Variants in GMPR observed in about 807,000 individuals in gnomAD.
The protein encoded by GMPR is guanosine monophosphate reductase, also known as GMP reductase 1.
Under a neutral mutation model 38.4 loss-of-function variants are expected in GMPR, and 31 were observed. The ratio of observed to expected loss-of-function variants is 0.81; its 90% CI spans 0.61 to 1.09. GMPR has a LOEUF of 1.09. GMPR is among the 50% of genes least tolerant of loss of function. The probability of loss-of-function intolerance (pLI) is 0.00; values close to 1 mark genes in which losing one functional copy is unlikely to be tolerated. For missense variants in GMPR, 468 were observed against 453.7 expected, an observed-to-expected ratio of 1.03 and a Z score of -0.29; for synonymous variants, 162 against 173.3, an observed-to-expected ratio of 0.93 and a Z score of 0.51.
At chr6:16,293,798 C>CAAA (rs934779392) in intron 8 of GMPR, among the ~76,000 whole-genome samples, 1 of 152,008 alleles carries the variant, frequency 6.6e-6, no homozygotes, top group Non-Finnish European at 1.5e-5. Flanking sequence ...AACTCCATCT[C>CAAA]AAAAAAAGAT....
Position 16,252,352 on chromosome 6 carries a change from C to G in GMPR, c.291+1985C>G, listed in dbSNP as rs192519168. 7.6e-3 allele frequency among the ~76,000 whole-genome samples: 1,164 copies of G among 152,214 alleles called. 16 individuals carry two copies. The highest frequency in any genetic ancestry group is 0.026 in the African/African-American group (1,089 of 41,534). ...TCTGCTCACTGCAGCCTCCACCTCCCGGGTTCAATTGATTTTCCTGCCTCA... is the reference window on the plus strand; with the variant it reads ...TCTGCTCACTGCAGCCTCCACCTCCGGGGTTCAATTGATTTTCCTGCCTCA... On this transcript the variant is annotated intron_variant, in intron 3 of 8. Transcript: ENST00000259727.
chr6:16,261,444 A>G lies in GMPR; in HGVS notation c.465+6709A>G, dbSNP rs559667373. Among the ~76,000 whole-genome samples the G allele has an allele frequency of 3.3e-5, 5 of 152,094 alleles. No homozygotes were observed. In the East Asian group the frequency reaches 9.6e-4, roughly 29 times the overall value. The stretch of plus-strand genomic sequence containing the variant: ...GAAAGCGAAGAGAGGCTAGGAGGAC[A>G]GGTGCAAAGGAATAGTAAAGAAAGC... On this transcript the variant is annotated intron_variant, in intron 4 of 8. Coordinates refer to ENST00000259727, the MANE Select transcript of GMPR (RefSeq NM_006877.4).
At chr6:16,245,819 C>T (rs931760767) in intron 1 of GMPR, among the ~76,000 whole-genome samples, 2 of 152,178 alleles carry the variant, frequency 1.3e-5, no homozygotes, top group African/African-American at 4.8e-5. Flanking sequence ...AAAGCTGGAA[C>T]AAGGAATACG....
intron 4 of GMPR, among the ~76,000 whole-genome samples, chr6:16,265,406 G>A (rs548494143): frequency 1.3e-5 from 2 of 152,322 alleles, no homozygotes; most frequent in Non-Finnish European, 2.9e-5. Flanking sequence ...TGGCTTGCCT[G>A]AGCCTGCAAA....
rs147830756 is a variant in GMPR at position 16,293,347 on chromosome 6, C to G, written c.858-1659C>G. On this transcript the variant is annotated intron_variant, in intron 8 of 8. Transcript: ENST00000259727. ...AAAATGAAATGTCAGTAATTGCAGG[C>G]ACAAGTGTACAGACGCCTGTCTGGG... is the stretch of plus-strand genomic sequence containing the variant. Among the ~76,000 whole-genome samples the G allele has an allele frequency of 2.6e-5, 4 of 152,306 alleles. No individual in the cohort carries two copies. In the East Asian group the frequency reaches 7.7e-4, roughly 29 times the overall value.
intron 5 of GMPR, among the ~76,000 whole-genome samples, chr6:16,274,722 A>T (rs1759446057): frequency 1.3e-5 from 2 of 152,190 alleles, no homozygotes; most frequent in Admixed American, 1.3e-4. Flanking sequence ...TTATGGTTAG[A>T]ATATATGGAT....
At chr6:16,262,629 G>A (rs558327925) in intron 4 of GMPR, 1 of 152,172 alleles carries the variant, frequency 6.6e-6, no homozygotes, top group East Asian at 1.9e-4. Flanking sequence ...AAATCCTGTT[G>A]TGGGGTTTGA....
At chr6:16,244,986 G>C (rs747816090) in intron 1 of GMPR, among the ~76,000 whole-genome samples, 6 of 152,236 alleles carry the variant, frequency 3.9e-5, no homozygotes, top group Middle Eastern at 3.4e-3. Flanking sequence ...GATCTCAGCC[G>C]GGTGCAGAGT....
chr6:16,277,146 C>T (rs1337913788), intron 5 of GMPR, among the ~76,000 whole-genome samples: 3 of 152,146 alleles, frequency 2.0e-5, no homozygotes, highest in African/African-American at 4.8e-5. Context: ...AAGGCGCCTT[C>T]GTGGGAATGA....
At chr6:16,265,806 C>T (rs1043436628) in intron 4 of GMPR, among the ~76,000 whole-genome samples, 1 of 150,764 alleles carries the variant, frequency 6.6e-6, no homozygotes, top group African/African-American at 2.4e-5. Flanking sequence ...ATAACCCACT[C>T]CGGAACCCTT....
At chr6:16,253,170 CAT>C (rs1436418916) in intron 3 of GMPR, among the ~76,000 whole-genome samples, 1 of 152,220 alleles carries the variant, frequency 6.6e-6, no homozygotes, top group African/African-American at 2.4e-5. Flanking sequence ...CAGATTTAAA[CAT>C]GTACAAGTGT....
At chr6:16,276,939 T>C (rs553686447) in intron 5 of GMPR, among the ~76,000 whole-genome samples, 33 of 152,330 alleles carry the variant, frequency 2.2e-4, no homozygotes, top group South Asian at 1.5e-3. Context: ...AGCTTCTTCC[T>C]TGGCTGTTTC....
chr6:16,274,432 A>G lies in GMPR; in HGVS notation c.483A>G (p.Thr161=). 6.2e-7 allele frequency: 1 copy of G among 1,604,300 alleles called. No individual in the cohort carries two copies. The highest frequency in any genetic ancestry group is 8.5e-7 in the Non-Finnish European group (1 of 1,170,994). ...TGTCTCAGGCAGGGAACGTGGTGAC[A>G]GGAGAAATGGTAGAAGAGCTTATTC... ...EHTIMAGNVV[T]GEMVEELILS... is the part of the protein sequence containing the mutation. The change falls in exon 5 of 9, where the codon ACA becomes ACG. Residue 161 remains threonine, a synonymous_variant. Transcript: ENST00000259727.
chr6:16,257,520 C>G (rs1759004779), intron 4 of GMPR, among the ~76,000 whole-genome samples: 2 of 152,190 alleles, frequency 1.3e-5, no homozygotes, highest in Non-Finnish European at 2.9e-5. Flanking sequence ...ACCTCACTTG[C>G]TCTTTTTCCT....
In GMPR at chr6:16,295,042, A is replaced by G. The variant is rs1408273053; in HGVS notation, c.894A>G (p.Lys298=). The G allele has an allele frequency of 6.2e-7, 1 of 1,609,284 alleles. No homozygotes were observed. The highest frequency in any genetic ancestry group is 1.1e-5 in the South Asian group (1 of 90,812). The part of the protein sequence containing the change: ...SEGKTVEVPY[K]GDVENTILDI... Reference sequence around the variant, plus strand: ...GTAAGACTGTGGAAGTTCCTTACAAAGGAGATGTGGAAAACACTATCCTGG... The same window carrying G: ...GTAAGACTGTGGAAGTTCCTTACAAGGGAGATGTGGAAAACACTATCCTGG... The change falls in exon 9 of 9, where the codon AAA becomes AAG. Residue 298 remains lysine (K), a synonymous_variant. Coordinates refer to ENST00000259727, the MANE Select transcript of GMPR (RefSeq NM_006877.4).
chr6:16,285,371 CA>C (rs1282277468), intron 6 of GMPR, among the ~76,000 whole-genome samples: 4 of 152,256 alleles, frequency 2.6e-5, no homozygotes, highest in Non-Finnish European at 5.9e-5. Flanking sequence ...TCTCACCTCA[CA>C]CCAGGCAGAG....
chr6:16,253,769 G>A (rs1758918614), intron 3 of GMPR, among the ~76,000 whole-genome samples: 1 of 152,228 alleles, frequency 6.6e-6, no homozygotes, highest in Non-Finnish European at 1.5e-5. Flanking sequence ...TGCTCCCCAA[G>A]CAAGGTGCTC....
At chr6:16,266,628 C>T (rs1034362842) in intron 4 of GMPR, among the ~76,000 whole-genome samples, 1 of 151,534 alleles carries the variant, frequency 6.6e-6, no homozygotes, top group East Asian at 2.0e-4. Flanking sequence ...CGGTGAAACC[C>T]CATCTCTACT....
intron 4 of GMPR, among the ~76,000 whole-genome samples, chr6:16,260,425 G>C (rs1344957679): frequency 2.0e-4 from 31 of 152,054 alleles, no homozygotes; most frequent in African/African-American, 6.5e-4. Flanking sequence ...GGAAAGGCCT[G>C]TACTTATCCA....
Sources: gnomAD v4.1 joint callset for allele counts (sites outside exome capture counted in the v4.1 genomes callset) on GRCh38, gnomAD v4.1.1 for gene constraint, MANE v1.5 for transcripts, NCBI Gene and HGNC (gene_info 2026-07-23, HGNC 2026-07-21) for gene names.